Variants in DNMT3B observed in about 807,000 individuals in gnomAD.
DNMT3B encodes DNA (cytosine-5)-methyltransferase 3B.
DNMT3B carries 37 observed loss-of-function variants against 120.2 expected under a neutral mutation model. That is an observed-to-expected ratio of 0.31 (90% CI 0.24 to 0.40). The LOEUF is 0.40. Among genes scored for constraint, DNMT3B ranks in the 10% least tolerant of loss-of-function variants. The probability of loss-of-function intolerance (pLI) is 1.00; values close to 1 mark genes in which losing one functional copy is unlikely to be tolerated. For synonymous variants in DNMT3B, 412 were observed against 442.8 expected (o/e 0.93, Z 0.87); for missense variants, 878 against 1,137.3 (o/e 0.77, Z 3.28).
rs185784169 is a variant in DNMT3B, at chr20:32,789,223, T to C, written c.813+211T>C. On this transcript the variant is annotated intron_variant, in intron 7 of 22. Coordinates refer to ENST00000328111, the MANE Select transcript of DNMT3B (RefSeq NM_006892.4). ...AAAGTGCTAGAAAGTTCTGGATCCA[T>C]GGGCAGTTGGATTTTATGTTATTTC... 2.0e-5 allele frequency among the ~76,000 whole-genome samples: 3 copies of C among 152,324 alleles called. No individual in the cohort carries two copies. The East Asian group carries it at 5.8e-4, about 29-fold the overall frequency.
intron 1 of DNMT3B, among the ~76,000 whole-genome samples, chr20:32,778,386 C>G (rs1328431958): frequency 6.6e-6 from 1 of 150,538 alleles, no homozygotes; most frequent in Non-Finnish European, 1.5e-5. Context: ...AAATGAAAAC[C>G]CTGCTTCAGG....
chr20:32,798,330 A>T, intron 14 of DNMT3B, 130 bp from the exon 15 acceptor site: 1 of 1,170,576 alleles, frequency 8.5e-7, no homozygotes, highest in Non-Finnish European at 1.2e-6. Context: ...CCCGCAGGCT[A>T]TGCTGTTAAG....
chr20:32,800,946 C>T (rs1263867107), intron 18 of DNMT3B, 21 bp downstream of exon 18: 2 of 1,613,228 alleles, frequency 1.2e-6, no homozygotes, highest in Admixed American at 1.7e-5. Flanking sequence ...TTCTCTCTGG[C>T]AGTCCCTGGA....
intron 8 of DNMT3B, 23 bp downstream of exon 8, chr20:32,791,731 G>C (rs1390162590): frequency 6.2e-7 from 1 of 1,611,456 alleles, no homozygotes; most frequent in African/African-American, 1.3e-5. Flanking sequence ...GAGGGAATGA[G>C]GGCTAAGCCC....
rs752782116 is a variant in DNMT3B, at chr20:32,787,265, G to A, written c.468G>A (p.Thr156=). The change falls in exon 6 of 23, where the codon ACG becomes ACA. Residue 156 remains threonine, a synonymous_variant. Transcript: ENST00000328111. ...GGCGGGCAACAGCATCGGCAGGAAC[G>A]CCATGGCCGTCCCCTCCCAGCTCTT... ...LRRRATASAG[T]PWPSPPSSYL... 8.7e-6 allele frequency: 14 copies of A among 1,614,114 alleles called. No homozygotes were observed. Among genetic ancestry groups the A allele is most frequent in the Admixed American group, 6.7e-5 (4 of 60,006 alleles).
rs369258965 is a variant in DNMT3B at position 32,806,268 on chromosome 20, A to G, written c.2361A>G (p.Gln787=). The G allele has an allele frequency of 2.5e-6, 4 of 1,614,128 alleles. No homozygotes were observed. In the African/African-American group the frequency reaches 5.3e-5, roughly 22 times the overall value. ...KSNSIKQGKN[Q]LFPVVMNGKE... is the part of the protein sequence containing the mutation. ...ACTCGATCAAACAGGGGAAAAACCA[A>G]CTTTTCCCTGTTGTCATGAATGGCA... is the stretch of plus-strand genomic sequence containing the variant. Residue 787 remains glutamine, a synonymous_variant, in exon 22 of 23, where the codon CAA becomes CAG. Transcript: ENST00000328111.
chr20:32,804,457 C>G lies in DNMT3B; in HGVS notation c.2232-881C>G, dbSNP rs550582615. Among the ~76,000 whole-genome samples the G allele has an allele frequency of 9.9e-5, 15 of 152,246 alleles. No individual in the cohort carries two copies. In the South Asian group the frequency reaches 3.1e-3, roughly 32 times the overall value. On this transcript the variant is annotated intron_variant, in intron 20 of 22. Coordinates refer to ENST00000328111, the MANE Select transcript of DNMT3B (RefSeq NM_006892.4). The stretch of plus-strand genomic sequence containing the variant: ...AAATATGTGTTGTGATTTCCTCAGC[C>G]CCTCTTGTAGGCACGGTTCCCGTTC...
chr20:32,802,305 G>A, intron 19 of DNMT3B, 80 bp from the exon 20 acceptor site: 1 of 1,444,216 alleles, frequency 6.9e-7, no homozygotes, highest in East Asian at 2.3e-5. Context: ...TCAGGGAATA[G>A]CCCTGTCACC....
intron 1 of DNMT3B, among the ~76,000 whole-genome samples, chr20:32,771,608 CCTGGGCAA>C (rs1260340919): frequency 1.5e-5 from 2 of 137,644 alleles, no homozygotes; most frequent in Non-Finnish European, 3.0e-5. Context: ...TGCACTCCAG[CCTGGGCAA>C]CAGAGCAAGA....
At chr20:32,779,806 G>T in intron 1 of DNMT3B, 2 of 542,382 alleles carry the variant, frequency 3.7e-6, no homozygotes, top group East Asian at 6.3e-5. Context: ...AAGCGGTTCT[G>T]TGGGGGAGGA....
chr20:32,802,296 C>T (rs1981440631), intron 19 of DNMT3B, 89 bp from the exon 20 acceptor site: 1 of 1,388,974 alleles, frequency 7.2e-7, no homozygotes, highest in East Asian at 2.3e-5. Context: ...CATCCATAGT[C>T]AGGGAATAGC....
At chr20:32,795,088 A>G (rs1444607804) in intron 10 of DNMT3B, among the ~76,000 whole-genome samples, 1 of 152,226 alleles carries the variant, frequency 6.6e-6, no homozygotes, top group East Asian at 1.9e-4. Context: ...CCTACTGCCC[A>G]GCATGTCAGA....
intron 22 of DNMT3B, among the ~76,000 whole-genome samples, chr20:32,807,446 C>T (rs983825570): frequency 1.3e-5 from 2 of 152,102 alleles, no homozygotes; most frequent in Non-Finnish European, 2.9e-5. Flanking sequence ...TAACTTCTCC[C>T]ATCATAGTGT....
At chr20:32,806,792 T>G (rs1982030368) in intron 22 of DNMT3B, among the ~76,000 whole-genome samples, 1 of 151,308 alleles carries the variant, frequency 6.6e-6, no homozygotes. Flanking sequence ...TTCTGTTCTG[T>G]TCTGTTTTCT....
chr20:32,766,986 G>A (rs1987408954), intron 1 of DNMT3B, among the ~76,000 whole-genome samples: 1 of 152,126 alleles, frequency 6.6e-6, no homozygotes, highest in Non-Finnish European at 1.5e-5. Context: ...TGCTTCCCGA[G>A]TTCAAGTGAT....
intron 15 of DNMT3B, among the ~76,000 whole-genome samples, chr20:32,798,898 C>G (rs1425501832): frequency 6.6e-6 from 1 of 152,188 alleles, no homozygotes; most frequent in Non-Finnish European, 1.5e-5. Context: ...TTGTATGTAG[C>G]CTTCTGAGTT....
At position 32,807,818 on chromosome 20, in the gene DNMT3B, G is replaced by A. The variant is rs756972254; in HGVS notation, c.2477G>A (p.Arg826His). 8 of 1,614,138 alleles carry A rather than the reference G, an allele frequency of 5.0e-6. No individual in the cohort carries two copies. Among genetic ancestry groups the A allele is most frequent in the African/African-American group, 1.3e-5 (1 of 75,044 alleles). ...GTGTCCAACATGGGCCGTGGTGCCC[G>A]CCAGAAGCTGCTGGGAAGGTCCTGG... is the stretch of plus-strand genomic sequence containing the variant. ...TDVSNMGRGA[R>H]QKLLGRSWSV... Residue 826 changes from arginine to histidine, a missense_variant, in exon 23 of 23, where the codon CGC becomes CAC. Around this residue, in one of 4 missense-constraint regions of DNMT3B, gnomAD observed 334 missense variants for 518.8 expected, o/e 0.64. Coordinates refer to ENST00000328111, the MANE Select transcript of DNMT3B (RefSeq NM_006892.4).
rs768347895 is a variant in DNMT3B, at chr20:32,800,230, G to C, written c.1837G>C (p.Val613Leu). ...ASEVCEESIA[V>L]GTVKHEGNIK... Reference sequence around the variant, plus strand: ...TGAAGTGTGTGAGGAGTCCATTGCTGTTGGAACCGTGAAGCACGAGGGGAA... The same window carrying C: ...TGAAGTGTGTGAGGAGTCCATTGCTCTTGGAACCGTGAAGCACGAGGGGAA... Residue 613 changes from valine to leucine, a missense_variant, in exon 17 of 23, where the codon GTT (valine) becomes CTT (leucine). Val to Leu is a conservative substitution (Grantham distance 32, BLOSUM62 1). This residue lies in a region of DNMT3B where 334 missense variants were observed against 518.8 expected (regional missense o/e 0.64). Coordinates refer to ENST00000328111, the MANE Select transcript of DNMT3B (RefSeq NM_006892.4). The C allele has an allele frequency of 8.7e-6, 14 of 1,614,098 alleles. No individual in the cohort carries two copies. Among genetic ancestry groups the C allele is most frequent in the Non-Finnish European group, 1.2e-5 (14 of 1,180,052 alleles).
chr20:32,763,920 C>T (rs1433388760), intron 1 of DNMT3B, among the ~76,000 whole-genome samples: 3 of 152,130 alleles, frequency 2.0e-5, no homozygotes, highest in African/African-American at 7.2e-5. Flanking sequence ...TTGTGGCAGA[C>T]GGGTGGCAGT....
Sources: gnomAD v4.1 joint callset for allele counts (sites outside exome capture counted in the v4.1 genomes callset) on GRCh38, gnomAD v4.1.1 for gene constraint, gnomAD v4.1.1 regional missense constraint, MANE v1.5 for transcripts, NCBI Gene and HGNC (gene_info 2026-07-23, HGNC 2026-07-21) for gene names.